Variants in PCDHA10 observed in about 807,000 individuals in gnomAD.
The protein encoded by PCDHA10 is protocadherin alpha 10, also known as protocadherin alpha-10.
Under a neutral mutation model 61.2 loss-of-function variants are expected in PCDHA10, and 45 were observed. The ratio of observed to expected loss-of-function variants is 0.74; its 90% CI spans 0.58 to 0.94. The LOEUF is 0.94. PCDHA10 is among the 40% of genes least tolerant of loss of function. The pLI is 0.00. For missense variants in PCDHA10, 1,278 were observed against 1,236.2 expected (o/e 1.03, Z -0.51); for synonymous variants, 602 against 548.8 (o/e 1.10, Z -1.35).
chr5:141,005,256 A>C (rs1307850409), intron 3 of PCDHA10, among the ~76,000 whole-genome samples: 1 of 152,212 alleles, frequency 6.6e-6, no homozygotes, highest in East Asian at 1.9e-4. Flanking sequence ...TGTGCTAGGC[A>C]CTGGTGATAC....
chr5:140,981,791 C>G (rs564396430), intron 2 of PCDHA10, among the ~76,000 whole-genome samples: 2 of 152,000 alleles, frequency 1.3e-5, no homozygotes, highest in Non-Finnish European at 2.9e-5. Flanking sequence ...GTTCTCTTTT[C>G]CCTTGAACAG....
At chr5:140,965,066 G>A (rs931765352) in intron 1 of PCDHA10, among the ~76,000 whole-genome samples, 3 of 152,164 alleles carry the variant, frequency 2.0e-5, no homozygotes, top group Non-Finnish European at 4.4e-5. Flanking sequence ...CAAATGTCAG[G>A]TCTCACTCTG....
chr5:140,889,077 T>G (rs1476404733), intron 1 of PCDHA10, among the ~76,000 whole-genome samples: 1 of 152,076 alleles, frequency 6.6e-6, no homozygotes, highest in Non-Finnish European at 1.5e-5. Flanking sequence ...CTTATTTTGT[T>G]AAATTTTCAA....
chr5:140,903,317 A>G (rs1364222131), intron 1 of PCDHA10, among the ~76,000 whole-genome samples: 1 of 152,204 alleles, frequency 6.6e-6, no homozygotes, highest in African/African-American at 2.4e-5. Context: ...TAAAGACAGC[A>G]TTTTTATTGA....
chr5:140,988,024 A>G (rs2153870091), intron 3 of PCDHA10, among the ~76,000 whole-genome samples: 1 of 152,316 alleles, frequency 6.6e-6, no homozygotes, highest in East Asian at 1.9e-4. Flanking sequence ...ATGATTCTTA[A>G]GTTTTTTAGA....
At chr5:140,863,774 G>A (rs1581698877) in intron 1 of PCDHA10, 2 of 239,304 alleles carry the variant, frequency 8.4e-6, no homozygotes, top group African/African-American at 2.2e-5. Context: ...CGAGGCGGGC[G>A]GATCACTCGA....
chr5:140,953,444 G>C (rs2094887278), intron 1 of PCDHA10, among the ~76,000 whole-genome samples: 1 of 152,088 alleles, frequency 6.6e-6, no homozygotes, highest in South Asian at 2.1e-4. Context: ...GGAGAAACTA[G>C]GGATTATCTG....
rs111391918 is a variant in PCDHA10 at position 140,984,395 on chromosome 5, G to A, written c.2536+1832G>A. ...CCCTCTTTCAGATTCAAAAAATGTTGAGAACCTATCTTTTTTACAGAGATA... is the reference window on the plus strand; with the variant it reads ...CCCTCTTTCAGATTCAAAAAATGTTAAGAACCTATCTTTTTTACAGAGATA... On this transcript the variant is annotated intron_variant, in intron 3 of 3. Coordinates refer to ENST00000307360, the MANE Select transcript of PCDHA10 (RefSeq NM_018901.4). 6.4e-3 allele frequency among the ~76,000 whole-genome samples: 978 copies of A among 152,194 alleles called. 14 individuals are homozygous for A. Among genetic ancestry groups the A allele is most frequent in the African/African-American group, 0.023 (947 of 41,508 alleles).
chr5:140,894,821 C>A (rs1303468240), intron 1 of PCDHA10, among the ~76,000 whole-genome samples: 1 of 151,806 alleles, frequency 6.6e-6, no homozygotes, highest in African/African-American at 2.4e-5. Flanking sequence ...TCAGATTTGC[C>A]CATAATCCTT....
At chr5:140,865,051 T>A (rs1228832316) in intron 1 of PCDHA10, 1 of 151,882 alleles carries the variant, frequency 6.6e-6, no homozygotes, top group Admixed American at 6.6e-5. Flanking sequence ...AATGTCATTG[T>A]TTTTAATAAC....
chr5:140,980,363 G>A (rs1477868054), intron 2 of PCDHA10, among the ~76,000 whole-genome samples: 1 of 152,204 alleles, frequency 6.6e-6, no homozygotes, highest in Non-Finnish European at 1.5e-5. Context: ...TGGGCGCGGT[G>A]GCTCACACCT....
chr5:140,872,429 C>T (rs2053657736), intron 1 of PCDHA10, among the ~76,000 whole-genome samples: 1 of 152,028 alleles, frequency 6.6e-6, no homozygotes, highest in Non-Finnish European at 1.5e-5. Flanking sequence ...GAGTTCGAGG[C>T]CTGCCTGGAC....
chr5:140,972,820 C>T (rs1247488574), intron 1 of PCDHA10, among the ~76,000 whole-genome samples: 1 of 151,962 alleles, frequency 6.6e-6, no homozygotes, highest in Non-Finnish European at 1.5e-5. Context: ...CGCGCCACCA[C>T]GCCTGGCTAA....
intron 1 of PCDHA10, among the ~76,000 whole-genome samples, chr5:140,874,733 A>G (rs929245096): frequency 6.6e-6 from 1 of 152,244 alleles, no homozygotes; most frequent in Non-Finnish European, 1.5e-5. Context: ...TATCACATTC[A>G]AGCATCAAGG....
intron 1 of PCDHA10, among the ~76,000 whole-genome samples, chr5:140,975,576 C>G (rs1170899911): frequency 6.6e-6 from 1 of 152,208 alleles, no homozygotes; most frequent in Non-Finnish European, 1.5e-5. Flanking sequence ...TATATGCAGT[C>G]TCATGTCCCA....
At chr5:140,905,635 A>T (rs2071990855) in intron 1 of PCDHA10, among the ~76,000 whole-genome samples, 1 of 152,206 alleles carries the variant, frequency 6.6e-6, no homozygotes, top group Non-Finnish European at 1.5e-5. Context: ...CAGTATGGTC[A>T]GTTTCACAGT....
At chr5:140,871,265 G>C in intron 1 of PCDHA10, 1 of 1,613,978 alleles carries the variant, frequency 6.2e-7, no homozygotes, top group South Asian at 1.1e-5. Flanking sequence ...ACGGCGCTGT[G>C]GTGGTCGGCA....
rs372854727 is a variant in PCDHA10, at chr5:140,857,673, C to T, written c.1625C>T (p.Pro542Leu). 1.9e-6 allele frequency: 3 copies of T among 1,596,826 alleles called. No individual in the cohort carries two copies. Among genetic ancestry groups the T allele is most frequent in the Non-Finnish European group, 2.6e-6 (3 of 1,167,768 alleles). The change falls in exon 1 of 4, where the codon CCG (proline) becomes CTG (leucine). Residue 542 changes from proline (P) to leucine (L), a missense_variant. Coordinates refer to ENST00000307360, the MANE Select transcript of PCDHA10 (RefSeq NM_018901.4). ...GTGAGCGCGCGCGATGGGGGCGTGC[C>T]GCCTCTGGGCAGCAACTTGACGCTG... is the stretch of plus-strand genomic sequence containing the variant. The part of the protein sequence containing the change: ...FQVSARDGGV[P>L]PLGSNLTLQV...
Position 140,857,842 on chromosome 5 carries a change from T to C in PCDHA10, c.1794T>C (p.Ala598=), listed in dbSNP as rs932363961. 33 of 1,597,726 alleles carry C rather than the reference T, an allele frequency of 2.1e-5. 1 individual carries two copies. Among genetic ancestry groups the C allele is most frequent in the Non-Finnish European group, 2.7e-5 (32 of 1,167,518 alleles). ...TGGCTAAGGTGCGCGCAGTGGACGCTGACTCTGGATACAACGCGTGGCTGT... is the reference window on the plus strand; with the variant it reads ...TGGCTAAGGTGCGCGCAGTGGACGCCGACTCTGGATACAACGCGTGGCTGT... ...HVVAKVRAVD[A]DSGYNAWLSY... The change falls in exon 1 of 4, where the codon GCT becomes GCC. Residue 598 remains alanine, a synonymous_variant. Transcript: ENST00000307360.
Sources: gnomAD v4.1 joint callset for allele counts (sites outside exome capture counted in the v4.1 genomes callset) on GRCh38, gnomAD v4.1.1 for gene constraint, MANE v1.5 for transcripts, NCBI Gene and HGNC (gene_info 2026-07-23, HGNC 2026-07-21) for gene names.